VPS13B: variants seen among roughly 807,000 people sequenced by gnomAD.
VPS13B encodes vacuolar protein sorting 13 homolog B.
A neutral mutation model predicts 426.4 loss-of-function variants in VPS13B; 285 were observed. The ratio of observed to expected loss-of-function variants is 0.67; its 90% confidence interval spans 0.61 to 0.74. The LOEUF (loss-of-function observed/expected upper bound fraction) is 0.74. Among genes scored for constraint, VPS13B ranks in the 30% least tolerant of loss-of-function variants. VPS13B has a pLI of 0.00. For synonymous variants in VPS13B, 1,676 were observed against 1,676.4 expected, an observed-to-expected ratio of 1.00 and a Z score of 0.01; for missense variants, 4,537 against 4,782.6, an observed-to-expected ratio of 0.95 and a Z score of 1.51.
At chr8:99,703,116 C>G (rs967899821) in intron 36 of VPS13B, among the ~76,000 whole-genome samples, 1 of 152,078 alleles carries the variant, frequency 6.6e-6, no homozygotes, top group African/African-American at 2.4e-5. Context: ...TAAATCTGTG[C>G]TTTCAGATTT....
intron 14 of VPS13B, 85 bp downstream of exon 14, chr8:99,148,095 C>T: frequency 7.2e-7 from 1 of 1,398,088 alleles, no homozygotes; most frequent in Non-Finnish European, 9.9e-7. Flanking sequence ...AGAATATCTG[C>T]AGCCGGGCAC....
At chr8:99,489,327 T>G (rs1820471283) in intron 25 of VPS13B, among the ~76,000 whole-genome samples, 1 of 150,706 alleles carries the variant, frequency 6.6e-6, no homozygotes, top group South Asian at 2.1e-4. Context: ...TGATGCCATC[T>G]CCTTTGGGTT....
At chr8:99,800,766 C>T (rs2130759490) in intron 43 of VPS13B, among the ~76,000 whole-genome samples, 1 of 151,916 alleles carries the variant, frequency 6.6e-6, no homozygotes, top group East Asian at 1.9e-4. Context: ...AGAGAAAATT[C>T]CTGAACAATA....
chr8:99,426,237 T>C (rs1453935552), intron 21 of VPS13B, among the ~76,000 whole-genome samples: 1 of 136,476 alleles, frequency 7.3e-6, no homozygotes, highest in African/African-American at 2.8e-5. Flanking sequence ...ACAAAGGACA[T>C]GAACTCATCA....
intron 39 of VPS13B, among the ~76,000 whole-genome samples, chr8:99,763,735 G>C (rs1220626756): frequency 6.6e-6 from 1 of 152,144 alleles, no homozygotes; most frequent in African/African-American, 2.4e-5. Context: ...AGAAGTTAGA[G>C]AAAATTATGT....
At chr8:99,820,208 A>G in intron 49 of VPS13B, 86 bp downstream of exon 49, 1 of 1,329,746 alleles carries the variant, frequency 7.5e-7, no homozygotes. Context: ...TCTTAACAGA[A>G]TGAATCAGTT....
intron 23 of VPS13B, among the ~76,000 whole-genome samples, chr8:99,447,755 A>G (rs144728895): frequency 0.013 from 1,933 of 152,232 alleles, 46 homozygotes; most frequent in African/African-American, 0.044. Context: ...ATATTGTTAA[A>G]ATACAGTATA....
chr8:99,770,017 A>G (rs1218943302), intron 40 of VPS13B, among the ~76,000 whole-genome samples: 1 of 151,994 alleles, frequency 6.6e-6, no homozygotes, highest in Non-Finnish European at 1.5e-5. Flanking sequence ...AAATTAGCCA[A>G]GCAAAACGGT....
chr8:99,186,953 A>G (rs1399282085), intron 16 of VPS13B, among the ~76,000 whole-genome samples: 1 of 152,150 alleles, frequency 6.6e-6, no homozygotes. Flanking sequence ...GCTGGCTTGA[A>G]AGGGTACCAT....
At chr8:99,029,641 C>T (rs1358039649) in intron 2 of VPS13B, among the ~76,000 whole-genome samples, 1 of 151,600 alleles carries the variant, frequency 6.6e-6, no homozygotes, top group Non-Finnish European at 1.5e-5. Context: ...TCAGGTGTGG[C>T]GGCGCGCGCC....
intron 17 of VPS13B, chr8:99,233,765 C>T: frequency 1.3e-6 from 1 of 779,206 alleles, no homozygotes; most frequent in Non-Finnish European, 2.4e-6. Context: ...CACATTTCTG[C>T]CTTCTTTTCC....
At chr8:99,482,780 G>A (rs1310534441) in intron 25 of VPS13B, among the ~76,000 whole-genome samples, 1 of 152,128 alleles carries the variant, frequency 6.6e-6, no homozygotes, top group Non-Finnish European at 1.5e-5. Context: ...TTTTATCTAT[G>A]TGAATATGTA....
At chr8:99,748,681 T>TA (rs1223343035) in intron 39 of VPS13B, among the ~76,000 whole-genome samples, 1 of 152,076 alleles carries the variant, frequency 6.6e-6, no homozygotes, top group African/African-American at 2.4e-5. Context: ...TGTGCTTGAC[T>TA]CCTTTTTTTT....
intron 43 of VPS13B, among the ~76,000 whole-genome samples, chr8:99,788,019 G>T (rs990059326): frequency 1.3e-5 from 2 of 151,876 alleles, no homozygotes; most frequent in Non-Finnish European, 2.9e-5. Flanking sequence ...TATCCAAAAT[G>T]AATATAACGG....
chr8:99,661,392 A>C lies in VPS13B; in HGVS notation c.5947A>C (p.Thr1983Pro). The change falls in exon 35 of 62, where the codon ACT (threonine) becomes CCT (proline). Residue 1983 changes from threonine to proline, a missense_variant. By Grantham distance (38) the Thr-to-Pro change is conservative (BLOSUM62 -1). This residue lies in a region of VPS13B where 4,311 missense variants were observed against 4,474.3 expected (regional missense o/e 0.96). Coordinates refer to ENST00000357162, the MANE Select transcript of VPS13B (RefSeq NM_152564.5). ...TCTGCCTGAAGCCCTTGATTATTGC[A>C]CTGTTTGGCTACAGACAGTGCCTGG... ...KTLPEALDYCTVWLQTVPGEI... is the reference protein window; with the variant it reads ...KTLPEALDYCPVWLQTVPGEI... 1.2e-6 allele frequency: 2 copies of C among 1,613,732 alleles called. No individual in the cohort carries two copies. Among genetic ancestry groups the C allele is most frequent in the Non-Finnish European group, 1.7e-6 (2 of 1,179,812 alleles).
At chr8:99,424,025 A>T (rs1394204714) in intron 21 of VPS13B, among the ~76,000 whole-genome samples, 1 of 152,080 alleles carries the variant, frequency 6.6e-6, no homozygotes, top group African/African-American at 2.4e-5. Flanking sequence ...GTCGCCCATT[A>T]TTATTGTGTG....
chr8:99,852,404 G>T (rs1314156121), intron 55 of VPS13B, among the ~76,000 whole-genome samples: 1 of 152,194 alleles, frequency 6.6e-6, no homozygotes, highest in Non-Finnish European at 1.5e-5. Flanking sequence ...AGTGAAGATG[G>T]GGGTGAGAAG....
At chr8:99,834,035 T>G (rs1815234324) in intron 52 of VPS13B, among the ~76,000 whole-genome samples, 1 of 152,230 alleles carries the variant, frequency 6.6e-6, no homozygotes, top group African/African-American at 2.4e-5. Context: ...GTGTGATTAA[T>G]GTGCTTTTAC....
At chr8:99,540,057 A>G (rs1261348515) in intron 30 of VPS13B, among the ~76,000 whole-genome samples, 9 of 5,532 alleles carry the variant, frequency 1.6e-3, no homozygotes, top group Non-Finnish European at 2.5e-3. Context: ...ATATATATAT[A>G]TATATATTTT....
Sources: gnomAD v4.1 joint callset for allele counts (sites outside exome capture counted in the v4.1 genomes callset) on GRCh38, gnomAD v4.1.1 for gene constraint, gnomAD v4.1.1 regional missense constraint, MANE v1.5 for transcripts, NCBI Gene and HGNC (gene_info 2026-07-23, HGNC 2026-07-21) for gene names.